Variants in KCND3 observed in about 807,000 individuals in gnomAD.
The protein encoded by KCND3 is potassium voltage-gated channel subfamily D member 3, also known as A-type voltage-gated potassium channel KCND3.
KCND3 carries 9 observed loss-of-function variants against 51.1 expected under a neutral mutation model. The observed-to-expected ratio is 0.18, with a 90% CI of 0.11 to 0.31. The LOEUF is 0.31. KCND3 is among the 10% of genes least tolerant of loss of function. The pLI is 1.00. For synonymous variants in KCND3, 349 were observed against 368.0 expected (o/e 0.95, Z 0.59); for missense variants, 526 against 903.8 (o/e 0.58, Z 5.36).
chr1:111,953,511 G>A (rs938907628), intron 2 of KCND3, among the ~76,000 whole-genome samples: 1 of 152,220 alleles, frequency 6.6e-6, no homozygotes, highest in Admixed American at 6.5e-5. Flanking sequence ...TCCAGGCAAA[G>A]TGTTTCTTGT....
intron 2 of KCND3, among the ~76,000 whole-genome samples, chr1:111,904,860 C>T (rs916551394): frequency 6.6e-6 from 1 of 152,176 alleles, no homozygotes; most frequent in East Asian, 1.9e-4. Context: ...TGGAGGTAGA[C>T]TCAGGATGCA....
chr1:111,811,305 T>C (rs534735307), intron 2 of KCND3, among the ~76,000 whole-genome samples: 2 of 152,222 alleles, frequency 1.3e-5, no homozygotes, highest in Non-Finnish European at 2.9e-5. Flanking sequence ...ATTGTCTCTG[T>C]GTCCTGTGTT....
intron 2 of KCND3, among the ~76,000 whole-genome samples, chr1:111,948,143 CACAGGGCAAA>C (rs1306454943): frequency 6.6e-6 from 1 of 152,222 alleles, no homozygotes; most frequent in Non-Finnish European, 1.5e-5. Flanking sequence ...CCATCATGCC[CACAGGGCAAA>C]TGGGCCCCAC....
intron 2 of KCND3, among the ~76,000 whole-genome samples, chr1:111,838,292 G>A (rs1667160534): frequency 6.6e-6 from 1 of 152,216 alleles, no homozygotes; most frequent in Admixed American, 6.5e-5. Context: ...CTTGAATCCT[G>A]CTGCTGTATG....
chr1:111,861,080 G>A (rs1439137260), intron 2 of KCND3, among the ~76,000 whole-genome samples: 1 of 152,136 alleles, frequency 6.6e-6, no homozygotes, highest in Non-Finnish European at 1.5e-5. Flanking sequence ...ATTTCCAAAG[G>A]GCTTCATGGG....
In KCND3 at chr1:111,776,180, G is replaced by A. The variant is rs199663609; in HGVS notation, c.1865C>T (p.Ala622Val). Residue 622 changes from alanine to valine, a missense_variant, in exon 8 of 8, where the codon GCG becomes GTG. Physicochemically the swap from Ala to Val is moderately conservative, Grantham distance 64. Coordinates refer to ENST00000302127, the MANE Select transcript of KCND3 (RefSeq NM_001378969.1). ...TAIISIPTPP[A>V]LTPEGESRPP... ...CCGACTTTCCCCCTCTGGGGTTAGC[G>A]CTGGGGGAGTGGGGATGCTGATGAT... The A allele has an allele frequency of 5.0e-5, 81 of 1,614,214 alleles. 1 individual carries two copies. Among genetic ancestry groups the A allele is most frequent in the African/African-American group, 2.7e-5 (2 of 75,066 alleles).
chr1:111,989,235 G>A (rs1475300458), intron 1 of KCND3: 2 of 152,318 alleles, frequency 1.3e-5, no homozygotes, highest in Non-Finnish European at 2.9e-5. Flanking sequence ...ACAGGCCAAT[G>A]GAAAGAGGGC....
chr1:111,978,343 G>C (rs1417366452), intron 2 of KCND3, among the ~76,000 whole-genome samples: 3 of 152,220 alleles, frequency 2.0e-5, no homozygotes, highest in Non-Finnish European at 4.4e-5. Context: ...ACTCAGGGAA[G>C]GACCAGGGAA....
intron 2 of KCND3, among the ~76,000 whole-genome samples, chr1:111,944,742 G>A (rs1275164548): frequency 6.6e-6 from 1 of 152,240 alleles, no homozygotes; most frequent in Non-Finnish European, 1.5e-5. Flanking sequence ...CTCAGTAAAT[G>A]TTCTTTTTTG....
At chr1:111,887,013 G>C (rs1227463586) in intron 2 of KCND3, among the ~76,000 whole-genome samples, 3 of 152,156 alleles carry the variant, frequency 2.0e-5, no homozygotes, top group Non-Finnish European at 4.4e-5. Flanking sequence ...AATAAGCCCT[G>C]TGTGTGTGAC....
rs779007324 is a variant in KCND3 at position 111,776,211 on chromosome 1, TG to T, written c.1833del (p.Thr612GlnfsTer12). 1 of 1,614,204 alleles carries T rather than the reference TG, an allele frequency of 6.2e-7. No individual in the cohort carries two copies. Among genetic ancestry groups the T allele is most frequent in the East Asian group, 2.2e-5 (1 of 44,894 alleles). ...LRPNCKTSQI[T>X]TAIISIPTPP... ...GGAGTGGGGATGCTGATGATGGCTGTGGTGATCTGGGATGTTTTGCAGTTTG... is the reference window on the plus strand; with the variant it reads ...GGAGTGGGGATGCTGATGATGGCTGTGTGATCTGGGATGTTTTGCAGTTTG... On this transcript the variant is annotated frameshift_variant, in exon 8 of 8. Transcript: ENST00000302127. LOFTEE classifies it high-confidence loss of function.
chr1:111,877,188 G>A (rs1418138274), intron 2 of KCND3, among the ~76,000 whole-genome samples: 1 of 152,228 alleles, frequency 6.6e-6, no homozygotes, highest in Non-Finnish European at 1.5e-5. Flanking sequence ...ATTTATTTAA[G>A]TGAATTCATA....
At chr1:111,862,581 C>G (rs1668385289) in intron 2 of KCND3, among the ~76,000 whole-genome samples, 1 of 152,228 alleles carries the variant, frequency 6.6e-6, no homozygotes, top group Admixed American at 6.5e-5. Context: ...TCACAATACC[C>G]TTTAATCAGT....
At chr1:111,815,814 A>C (rs1666061069) in intron 2 of KCND3, among the ~76,000 whole-genome samples, 1 of 151,872 alleles carries the variant, frequency 6.6e-6, no homozygotes, top group South Asian at 2.1e-4. Flanking sequence ...TGCAGTCCAT[A>C]AGCACTGCTC....
At chr1:111,827,147 G>C (rs1443804128) in intron 2 of KCND3, among the ~76,000 whole-genome samples, 1 of 152,226 alleles carries the variant, frequency 6.6e-6, no homozygotes, top group Non-Finnish European at 1.5e-5. Flanking sequence ...GAAAACTAAG[G>C]CACAGAGTGG....
intron 2 of KCND3, among the ~76,000 whole-genome samples, chr1:111,977,283 T>G (rs1674685386): frequency 6.6e-6 from 1 of 152,206 alleles, no homozygotes; most frequent in South Asian, 2.1e-4. Context: ...TCTGGCACTG[T>G]GGGGAGGCTT....
chr1:111,832,361 T>C (rs115047607), intron 2 of KCND3, among the ~76,000 whole-genome samples: 2,223 of 152,246 alleles, frequency 0.015, 51 homozygotes, highest in African/African-American at 0.05. Context: ...AGTTCTTCTT[T>C]TGTTCTTTTT....
intron 2 of KCND3, among the ~76,000 whole-genome samples, chr1:111,803,204 C>T (rs1277976009): frequency 6.6e-6 from 1 of 152,202 alleles, no homozygotes; most frequent in South Asian, 2.1e-4. Context: ...GCACCCTAGC[C>T]TTACCCGCCC....
intron 2 of KCND3, among the ~76,000 whole-genome samples, chr1:111,822,495 C>T (rs776699578): frequency 1.3e-5 from 2 of 152,112 alleles, no homozygotes; most frequent in African/African-American, 2.4e-5. Context: ...TTTTTCTTAC[C>T]ACAGTGTCTT....
Sources: gnomAD v4.1 joint callset for allele counts (sites outside exome capture counted in the v4.1 genomes callset) on GRCh38, gnomAD v4.1.1 for gene constraint, MANE v1.5 for transcripts, NCBI Gene and HGNC (gene_info 2026-07-23, HGNC 2026-07-21) for gene names.